Variants in LRBA observed in about 807,000 individuals in gnomAD.
LRBA encodes the protein lipopolysaccharide-responsive and beige-like anchor protein.
In LRBA, 176 loss-of-function variants were observed where a neutral mutation model predicts 330.0. The ratio of observed to expected loss-of-function variants is 0.53; its 90% CI spans 0.47 to 0.60. The LOEUF (loss-of-function observed/expected upper bound fraction) is 0.60. Among genes scored for constraint, LRBA ranks in the 20% least tolerant of loss-of-function variants. The pLI, the probability that LRBA is intolerant of heterozygous loss-of-function variation, is 0.00. For synonymous variants in LRBA, 1,230 were observed against 1,193.0 expected (o/e 1.03, Z -0.64); for missense variants, 3,259 against 3,444.8 (o/e 0.95, Z 1.35).
At chr4:150,812,255 C>T (rs1265860799) in intron 31 of LRBA, among the ~76,000 whole-genome samples, 1 of 152,126 alleles carries the variant, frequency 6.6e-6, no homozygotes, top group African/African-American at 2.4e-5. Context: ...CAGAAGCTAC[C>T]TCCTACATGT....
At chr4:150,938,587 G>A (rs1457630937) in intron 2 of LRBA, among the ~76,000 whole-genome samples, 5 of 152,138 alleles carry the variant, frequency 3.3e-5, no homozygotes, top group African/African-American at 7.2e-5. Context: ...CAGTAAATAC[G>A]TGCAACCTCT....
intron 47 of LRBA, among the ~76,000 whole-genome samples, chr4:150,410,221 G>A (rs1264001960): frequency 6.6e-6 from 1 of 151,920 alleles, no homozygotes; most frequent in Non-Finnish European, 1.5e-5. Context: ...TTTCCATTCA[G>A]AGAAAAAAAT....
chr4:150,430,474 T>C (rs1447365466), intron 46 of LRBA, among the ~76,000 whole-genome samples: 1 of 152,124 alleles, frequency 6.6e-6, no homozygotes, highest in Admixed American at 6.6e-5. Context: ...TCAGACGCTG[T>C]ATCCATGAGC....
chr4:150,422,822 G>A, intron 46 of LRBA: 1 of 1,461,950 alleles, frequency 6.8e-7, no homozygotes, highest in South Asian at 1.1e-5. Context: ...CCTGGAACTT[G>A]CCCTGCAGCC....
chr4:150,908,852 T>C lies in LRBA; in HGVS notation c.1167A>G (p.Thr389=). ...GGTCGCTTTCTGCTTTGAATTTAAA[T>C]GTACCCTAAGAATTAATTAAAAACA... ...IYQLGLGYKG[T]FKFKAESDLF... is the part of the protein sequence containing the mutation. Residue 389 remains threonine, a synonymous_variant, in exon 10 of 57, where the codon ACA becomes ACG. Coordinates refer to ENST00000651943, the MANE Select transcript of LRBA (RefSeq NM_001364905.1). 1 of 1,608,752 alleles carries C rather than the reference T, an allele frequency of 6.2e-7. No individual in the cohort carries two copies. The highest frequency in any genetic ancestry group is 2.2e-5 in the East Asian group (1 of 44,828).
intron 34 of LRBA, among the ~76,000 whole-genome samples, chr4:150,770,874 A>G (rs575402466): frequency 6.6e-6 from 1 of 152,274 alleles, no homozygotes; most frequent in African/African-American, 2.4e-5. Context: ...ATCACACAGT[A>G]TGGTAATACT....
intron 38 of LRBA, among the ~76,000 whole-genome samples, chr4:150,592,408 G>GTATA (rs1242065434): frequency 6.6e-6 from 1 of 151,378 alleles, no homozygotes; most frequent in African/African-American, 2.4e-5. Context: ...AATTCACCAT[G>GTATA]TATACCATTT....
chr4:150,381,315 A>G (rs1297292975), intron 47 of LRBA, among the ~76,000 whole-genome samples: 1 of 152,192 alleles, frequency 6.6e-6, no homozygotes, highest in East Asian at 1.9e-4. Context: ...CCCTTTCATC[A>G]CACCAAAAAG....
chr4:150,683,400 C>G, intron 37 of LRBA, 151 bp downstream of exon 37: 3 of 651,424 alleles, frequency 4.6e-6, no homozygotes, highest in Non-Finnish European at 8.1e-6. Flanking sequence ...TGATTTTCTC[C>G]TTCCCTTTGG....
chr4:150,737,089 A>G (rs1355132596), intron 35 of LRBA, among the ~76,000 whole-genome samples: 1 of 152,022 alleles, frequency 6.6e-6, no homozygotes, highest in Non-Finnish European at 1.5e-5. Context: ...ATGGTAGTGC[A>G]TGCCTATGGT....
rs141579891 is a variant in LRBA, at chr4:150,601,279, A to G, written c.5922-2148T>C. On this transcript the variant is annotated intron_variant, in intron 37 of 56. Coordinates refer to ENST00000651943, the MANE Select transcript of LRBA (RefSeq NM_001364905.1). ...CTTCTTGATAACAATTAAAATTATA[A>G]GAGATGTTAAGCTGCTATGATAAAA... Among the ~76,000 whole-genome samples, 638 of 152,260 alleles carry G rather than the reference A, an allele frequency of 4.2e-3. 3 individuals carry two copies. The highest frequency in any genetic ancestry group is 0.015 in the African/African-American group (617 of 41,550).
chr4:150,755,188 AAAG>A (rs1183582624), intron 35 of LRBA, among the ~76,000 whole-genome samples: 5 of 152,230 alleles, frequency 3.3e-5, no homozygotes, highest in Non-Finnish European at 7.3e-5. Context: ...GAATGCTCAG[AAAG>A]AAGACATGCA....
chr4:150,908,384 T>C lies in LRBA; in HGVS notation c.1443A>G (p.Ala481=), dbSNP rs1173423900. The C allele has an allele frequency of 8.7e-6, 14 of 1,610,358 alleles. No individual in the cohort carries two copies. The highest frequency in any genetic ancestry group is 1.1e-5 in the Non-Finnish European group (13 of 1,179,142). ...ACAAATATTGCCTGTAATCCAACTG[T>C]GCAAAAAGTGGAAATAGTACTTGTA... ...GGVQVLFPLF[A]QLDYRQYLSD... The change falls in exon 11 of 57, where the codon GCA becomes GCG. Residue 481 remains alanine (A), a synonymous_variant. Coordinates refer to ENST00000651943, the MANE Select transcript of LRBA (RefSeq NM_001364905.1).
intron 56 of LRBA, among the ~76,000 whole-genome samples, chr4:150,273,320 A>C (rs530172484): frequency 6.6e-6 from 1 of 152,358 alleles, no homozygotes; most frequent in Admixed American, 6.5e-5. Flanking sequence ...AGCACTAGAC[A>C]TGGAAAGGAA....
intron 47 of LRBA, among the ~76,000 whole-genome samples, chr4:150,393,493 T>A (rs1365679633): frequency 7.8e-6 from 1 of 128,966 alleles, no homozygotes; most frequent in African/African-American, 2.9e-5. Flanking sequence ...CCTCCCTCCC[T>A]CCTTTTATTA....
At chr4:150,354,240 T>TA (rs1238150898) in intron 47 of LRBA, among the ~76,000 whole-genome samples, 4 of 151,872 alleles carry the variant, frequency 2.6e-5, no homozygotes, top group South Asian at 2.1e-4. Flanking sequence ...TAAGATTTTT[T>TA]AAAAAAATTC....
At chr4:150,684,297 A>G (rs890387380) in intron 36 of LRBA, among the ~76,000 whole-genome samples, 13 of 152,188 alleles carry the variant, frequency 8.5e-5, no homozygotes, top group African/African-American at 3.1e-4. Flanking sequence ...AAAAGAGACA[A>G]TAGCAGCTTA....
chr4:150,376,963 G>C (rs756794298), intron 47 of LRBA, among the ~76,000 whole-genome samples: 1 of 151,880 alleles, frequency 6.6e-6, no homozygotes, highest in Admixed American at 6.6e-5. Flanking sequence ...GGAAAAGGTC[G>C]GGGTGGGAGT....
chr4:150,600,855 T>C (rs1774041611), intron 37 of LRBA, among the ~76,000 whole-genome samples: 1 of 152,220 alleles, frequency 6.6e-6, no homozygotes, highest in Non-Finnish European at 1.5e-5. Flanking sequence ...TGGCTGTGTG[T>C]ATGGCTTTGA....
Sources: gnomAD v4.1 joint callset for allele counts (sites outside exome capture counted in the v4.1 genomes callset) on GRCh38, gnomAD v4.1.1 for gene constraint, MANE v1.5 for transcripts, NCBI Gene and HGNC (gene_info 2026-07-23, HGNC 2026-07-21) for gene names.